PTPRD: variants seen among roughly 807,000 people sequenced by gnomAD.
The protein encoded by PTPRD is protein tyrosine phosphatase receptor type D.
In PTPRD, 34 loss-of-function variants were observed where a neutral mutation model predicts 214.5. The observed-to-expected ratio is 0.16, with a 90% CI of 0.12 to 0.21. The LOEUF is 0.21. PTPRD is among the 10% of genes least tolerant of loss of function. The pLI is 1.00. For synonymous variants in PTPRD, 1,128 were observed against 845.7 expected (o/e 1.33, Z -5.79); for missense variants, 2,545 against 2,398.7 (o/e 1.06, Z -1.27).
At chr9:10,578,078 T>G (rs1040109794) in intron 2 of PTPRD, among the ~76,000 whole-genome samples, 1 of 152,020 alleles carries the variant, frequency 6.6e-6, no homozygotes, top group Middle Eastern at 3.4e-3. Flanking sequence ...CCTGGCTAAT[T>G]TTTGTATTTT....
At chr9:8,948,557 A>T (rs1415402144) in intron 11 of PTPRD, among the ~76,000 whole-genome samples, 2 of 92,418 alleles carry the variant, frequency 2.2e-5, no homozygotes, top group East Asian at 3.0e-4. Context: ...ATATATTTAT[A>T]TATATTTATA....
intron 2 of PTPRD, among the ~76,000 whole-genome samples, chr9:10,367,318 C>A (rs1344637634): frequency 6.6e-6 from 1 of 152,016 alleles, no homozygotes; most frequent in Non-Finnish European, 1.5e-5. Flanking sequence ...CCTTAAGAAA[C>A]CCTCTTAAGA....
intron 2 of PTPRD, among the ~76,000 whole-genome samples, chr9:10,448,297 CCAAA>C (rs1453464797): frequency 1.3e-5 from 2 of 151,858 alleles, no homozygotes; most frequent in Admixed American, 6.6e-5. Context: ...GAGAAACTGG[CCAAA>C]CAGAGGGCAA....
intron 2 of PTPRD, among the ~76,000 whole-genome samples, chr9:10,589,386 C>G (rs1185822696): frequency 6.6e-6 from 1 of 151,854 alleles, no homozygotes; most frequent in East Asian, 1.9e-4. Flanking sequence ...TGGGACCAGT[C>G]ACTCAGATTA....
chr9:9,801,533 A>T (rs1209974047), intron 5 of PTPRD, among the ~76,000 whole-genome samples: 1 of 152,108 alleles, frequency 6.6e-6, no homozygotes, highest in African/African-American at 2.4e-5. Context: ...AGGCAAGTTT[A>T]CCAAGGTATA....
chr9:10,137,701 T>TAAAAAAAA (rs76032048), intron 3 of PTPRD, among the ~76,000 whole-genome samples: 9 of 72,032 alleles, frequency 1.2e-4, no homozygotes, highest in Non-Finnish European at 1.5e-4. Flanking sequence ...TAGAGTATAA[T>TAAAAAAAA]AAAAAAAAAA....
intron 9 of PTPRD, among the ~76,000 whole-genome samples, chr9:9,252,722 G>T (rs1171887764): frequency 6.6e-6 from 1 of 151,966 alleles, no homozygotes; most frequent in Non-Finnish European, 1.5e-5. Context: ...TTCAAGCGAT[G>T]CAGTCACCTC....
intron 7 of PTPRD, among the ~76,000 whole-genome samples, chr9:9,618,434 A>G (rs774747394): frequency 1.3e-5 from 2 of 152,148 alleles, no homozygotes; most frequent in African/African-American, 4.8e-5. Flanking sequence ...TACATCAGCA[A>G]TTGGCTTTGC....
intron 5 of PTPRD, among the ~76,000 whole-genome samples, chr9:9,843,312 A>C (rs963629071): frequency 2.0e-5 from 3 of 151,982 alleles, no homozygotes; most frequent in African/African-American, 7.2e-5. Context: ...TACACCTTGA[A>C]ATTTTCTCAG....
At chr9:8,884,331 G>A (rs1319708602) in intron 11 of PTPRD, among the ~76,000 whole-genome samples, 6 of 152,224 alleles carry the variant, frequency 3.9e-5, no homozygotes, top group Admixed American at 6.5e-5. Context: ...TTGCTGTTTA[G>A]TCTAACTTCT....
intron 27 of PTPRD, among the ~76,000 whole-genome samples, chr9:8,488,536 C>A (rs75718371): frequency 0.027 from 4,181 of 152,302 alleles, 90 homozygotes; most frequent in Middle Eastern, 0.065. Context: ...ATTGTGTACT[C>A]ATTGTGTTCC....
At chr9:8,476,323 G>A (rs982886595) in intron 30 of PTPRD, among the ~76,000 whole-genome samples, 1 of 152,162 alleles carries the variant, frequency 6.6e-6, no homozygotes, top group Non-Finnish European at 1.5e-5. Flanking sequence ...TGCCACCACT[G>A]ATCTGACAGG....
intron 5 of PTPRD, among the ~76,000 whole-genome samples, chr9:9,774,356 C>G (rs1177209850): frequency 6.6e-6 from 1 of 152,174 alleles, no homozygotes; most frequent in African/African-American, 2.4e-5. Flanking sequence ...ATGTATTTTA[C>G]TATCTAAACA....
chr9:10,361,930 G>C (rs146759884), intron 2 of PTPRD, among the ~76,000 whole-genome samples: 1 of 152,130 alleles, frequency 6.6e-6, no homozygotes, highest in Non-Finnish European at 1.5e-5. Context: ...TCTATGCAGA[G>C]AACAAAAGAA....
chr9:10,113,294 A>T (rs2098706198), intron 3 of PTPRD, among the ~76,000 whole-genome samples: 1 of 152,202 alleles, frequency 6.6e-6, no homozygotes, highest in Non-Finnish European at 1.5e-5. Flanking sequence ...TTCATTTTAC[A>T]AATGGGGAAA....
intron 12 of PTPRD, among the ~76,000 whole-genome samples, chr9:8,653,328 T>C (rs1769959690): frequency 6.6e-6 from 1 of 152,182 alleles, no homozygotes; most frequent in African/African-American, 2.4e-5. Context: ...AAACAGTGTT[T>C]AGAAATTGCA....
At chr9:9,765,766 T>A (rs1285472034) in intron 6 of PTPRD, among the ~76,000 whole-genome samples, 1 of 152,154 alleles carries the variant, frequency 6.6e-6, no homozygotes, top group Non-Finnish European at 1.5e-5. Context: ...GTTCACGCCA[T>A]TCTCCTGCCA....
rs539092812 is a variant in PTPRD, at chr9:8,603,078, G to A, written c.352+30239C>T. On this transcript the variant is annotated intron_variant, in intron 14 of 45. Coordinates refer to ENST00000381196, the MANE Select transcript of PTPRD (RefSeq NM_002839.4). ...TTCAAACAGAGGTTCTTAATCATAAGTAGTATTCTATTACCTGCAAGATGA... is the reference window on the plus strand; with the variant it reads ...TTCAAACAGAGGTTCTTAATCATAAATAGTATTCTATTACCTGCAAGATGA... 3.3e-5 allele frequency among the ~76,000 whole-genome samples: 5 copies of A among 152,218 alleles called. No homozygotes were observed. The East Asian group carries it at 7.7e-4, about 24-fold the overall frequency.
At chr9:9,707,148 C>A (rs1489470376) in intron 7 of PTPRD, among the ~76,000 whole-genome samples, 1 of 152,026 alleles carries the variant, frequency 6.6e-6, no homozygotes, top group Non-Finnish European at 1.5e-5. Flanking sequence ...TAAAGGGATT[C>A]TTTTGTATAT....
Sources: allele counts gnomAD v4.1 joint callset (sites outside exome capture counted in the v4.1 genomes callset), GRCh38; gene constraint gnomAD v4.1.1; transcripts MANE v1.5; gene names NCBI Gene and HGNC (gene_info 2026-07-23, HGNC 2026-07-21).